AATF: variants seen among roughly 807,000 people sequenced by gnomAD.
AATF encodes apoptosis antagonizing transcription factor, also known as protein AATF.
Under a neutral mutation model 63.7 loss-of-function variants are expected in AATF, and 48 were observed. The observed-to-expected ratio is 0.75, with a 90% CI of 0.60 to 0.96. AATF has a LOEUF of 0.96. Ranked by LOEUF, AATF falls within the 40% of genes least tolerant of loss-of-function variation. The pLI is 0.00. For synonymous variants in AATF, 258 were observed against 247.7 expected (o/e 1.04, Z -0.39); for missense variants, 639 against 685.7 (o/e 0.93, Z 0.76).
At chr17:37,002,331 C>T (rs780673023) in intron 8 of AATF, among the ~76,000 whole-genome samples, 6 of 151,728 alleles carry the variant, frequency 4.0e-5, no homozygotes, top group Non-Finnish European at 8.8e-5. Context: ...TGTATACCAG[C>T]AATGAATGAC....
chr17:36,960,404 G>T (rs773949314), intron 4 of AATF, among the ~76,000 whole-genome samples: 1 of 152,146 alleles, frequency 6.6e-6, no homozygotes. Flanking sequence ...GGGAAATCAT[G>T]GAGTCTTGAT....
chr17:36,959,952 A>G (rs2070933034), intron 4 of AATF, among the ~76,000 whole-genome samples: 3 of 152,098 alleles, frequency 2.0e-5, no homozygotes, highest in Non-Finnish European at 4.4e-5. Flanking sequence ...TTTCATACTT[A>G]CACTCTCATA....
intron 5 of AATF, among the ~76,000 whole-genome samples, chr17:36,987,768 T>C (rs1026880191): frequency 1.3e-5 from 2 of 152,226 alleles, no homozygotes; most frequent in Non-Finnish European, 2.9e-5. Flanking sequence ...CAGCTTCTCT[T>C]GTATTTGGTT....
At chr17:36,989,680 T>A (rs928380700) in intron 7 of AATF, among the ~76,000 whole-genome samples, 2 of 152,150 alleles carry the variant, frequency 1.3e-5, no homozygotes, top group Non-Finnish European at 2.9e-5. Flanking sequence ...ATAATCCAAT[T>A]TTCAAAATTC....
chr17:36,993,703 T>C (rs2071232653), intron 8 of AATF, among the ~76,000 whole-genome samples: 1 of 152,088 alleles, frequency 6.6e-6, no homozygotes, highest in African/African-American at 2.4e-5. Flanking sequence ...TATAATACAT[T>C]CCCCCTTTTT....
intron 8 of AATF, among the ~76,000 whole-genome samples, chr17:37,012,046 T>C (rs1450966643): frequency 6.6e-6 from 1 of 152,030 alleles, no homozygotes; most frequent in Non-Finnish European, 1.5e-5. Context: ...TGCAAGAGAC[T>C]TCTTTTGGGG....
intron 8 of AATF, among the ~76,000 whole-genome samples, chr17:37,008,012 C>G (rs963322812): frequency 2.0e-5 from 3 of 152,144 alleles, no homozygotes; most frequent in African/African-American, 7.2e-5. Flanking sequence ...GTTTTCTATA[C>G]TTGTTACATT....
intron 4 of AATF, among the ~76,000 whole-genome samples, chr17:36,981,702 CTT>C (rs71368433): frequency 9.1e-5 from 10 of 110,456 alleles, no homozygotes; most frequent in Non-Finnish European, 1.1e-4. Context: ...TCTTTCTTTT[CTT>C]TTTTTTTTTT....
At chr17:36,973,415 T>C (rs1021101011) in intron 4 of AATF, among the ~76,000 whole-genome samples, 3 of 152,218 alleles carry the variant, frequency 2.0e-5, no homozygotes, top group African/African-American at 7.2e-5. Context: ...TCACTATGCA[T>C]ATGGTTTAAC....
chr17:37,044,800 A>G (rs984427252), intron 11 of AATF, among the ~76,000 whole-genome samples: 4 of 152,162 alleles, frequency 2.6e-5, no homozygotes, highest in Admixed American at 1.3e-4. Context: ...TTCTTACAGC[A>G]TAGTTCGTGT....
At chr17:36,951,958 A>T (rs925356237) in intron 2 of AATF, among the ~76,000 whole-genome samples, 2 of 152,212 alleles carry the variant, frequency 1.3e-5, no homozygotes, top group African/African-American at 4.8e-5. Context: ...ATGTTCTACC[A>T]TGGAACAGAT....
intron 4 of AATF, among the ~76,000 whole-genome samples, chr17:36,979,622 A>G (rs1490175497): frequency 2.0e-5 from 3 of 152,232 alleles, no homozygotes; most frequent in Non-Finnish European, 4.4e-5. Context: ...GTACTTGTAC[A>G]TAAATAATTG....
chr17:36,995,775 C>T (rs1476720146), intron 8 of AATF, among the ~76,000 whole-genome samples: 2 of 151,752 alleles, frequency 1.3e-5, no homozygotes, highest in Non-Finnish European at 2.9e-5. Flanking sequence ...GCTGTGTTGC[C>T]CAGGCTGGTC....
At chr17:36,982,407 A>G (rs1165387022) in intron 4 of AATF, among the ~76,000 whole-genome samples, 1 of 151,898 alleles carries the variant, frequency 6.6e-6, no homozygotes, top group Non-Finnish European at 1.5e-5. Context: ...AGGCTGGAGT[A>G]CAGTGGTACA....
At chr17:36,969,484 G>A (rs2071022436) in intron 4 of AATF, among the ~76,000 whole-genome samples, 1 of 152,150 alleles carries the variant, frequency 6.6e-6, no homozygotes, top group African/African-American at 2.4e-5. Flanking sequence ...TTTTAGGCCT[G>A]CTTTGATCTC....
Position 36,953,034 on chromosome 17 carries a change from A to G in AATF, c.432A>G (p.Ala144=). Residue 144 remains alanine (A), a synonymous_variant, in exon 3 of 12, where the codon GCA becomes GCG. Transcript: ENST00000619387. ...RESKKSRSHS[A]KTPGFSVQSI... is the part of the protein sequence containing the mutation. Reference sequence around the variant, plus strand: ...GCAAGAAGAGCAGAAGCCACTCTGCAAAAACACCGGGCTTCAGTGTCCAGA... The same window carrying G: ...GCAAGAAGAGCAGAAGCCACTCTGCGAAAACACCGGGCTTCAGTGTCCAGA... 6.2e-7 allele frequency: 1 copy of G among 1,614,188 alleles called. No individual in the cohort carries two copies. The highest frequency in any genetic ancestry group is 2.2e-5 in the East Asian group (1 of 44,888).
chr17:36,949,723 T>C (rs989606789), intron 1 of AATF, among the ~76,000 whole-genome samples: 7 of 152,202 alleles, frequency 4.6e-5, no homozygotes, highest in African/African-American at 1.7e-4. Context: ...TTCTGTAAGC[T>C]GATGTTCAGA....
intron 4 of AATF, among the ~76,000 whole-genome samples, chr17:36,958,420 C>G (rs1055281632): frequency 2.6e-5 from 4 of 152,114 alleles, no homozygotes; most frequent in Non-Finnish European, 5.9e-5. Flanking sequence ...CCACCTTGGC[C>G]TCTCAAAGTG....
intron 4 of AATF, among the ~76,000 whole-genome samples, chr17:36,965,504 C>G (rs2070984440): frequency 1.3e-5 from 2 of 152,146 alleles, no homozygotes; most frequent in Admixed American, 1.3e-4. Context: ...TAATATGTTA[C>G]TGACAAAGCC....
Sources: gnomAD v4.1 joint callset for allele counts (sites outside exome capture counted in the v4.1 genomes callset) on GRCh38, gnomAD v4.1.1 for gene constraint, MANE v1.5 for transcripts, NCBI Gene and HGNC (gene_info 2026-07-23, HGNC 2026-07-21) for gene names.